Variants in PDE4DIP observed in about 807,000 individuals in gnomAD.
PDE4DIP encodes myomegalin.
PDE4DIP carries 59 observed loss-of-function variants against 221.4 expected under a neutral mutation model. The ratio of observed to expected loss-of-function variants is 0.27; its 90% CI spans 0.22 to 0.33. The LOEUF (loss-of-function observed/expected upper bound fraction) is 0.33, where lower values mean the gene tolerates loss of function less well. PDE4DIP is among the 10% of genes least tolerant of loss of function. PDE4DIP has a pLI of 1.00. For missense variants in PDE4DIP, 1,036 were observed against 2,154.2 expected, an observed-to-expected ratio of 0.48 and a Z score of 10.28; for synonymous variants, 404 against 815.9, an observed-to-expected ratio of 0.50 and a Z score of 8.60.
intron 5 of PDE4DIP, among the ~76,000 whole-genome samples, chr1:148,940,775 C>T (rs587739958): frequency 2.7e-5 from 4 of 148,066 alleles, no homozygotes; most frequent in East Asian, 2.0e-4. Flanking sequence ...TTTGGGTCTA[C>T]GTCTTATGGG....
intron 4 of PDE4DIP, among the ~76,000 whole-genome samples, chr1:148,937,107 C>T (rs1480138863): frequency 6.6e-6 from 1 of 152,172 alleles, no homozygotes; most frequent in Admixed American, 6.5e-5. Flanking sequence ...AGCAACACCA[C>T]AAACAAGTGA....
chr1:149,023,273 T>C (rs1319684001), intron 37 of PDE4DIP, among the ~76,000 whole-genome samples: 1 of 152,258 alleles, frequency 6.6e-6, no homozygotes, highest in Non-Finnish European at 1.5e-5. Context: ...TCTTTATTTA[T>C]CTACTTAGAA....
At chr1:149,023,529 A>ATATATATACATATATATATT (rs1253994311) in intron 37 of PDE4DIP, among the ~76,000 whole-genome samples, 7 of 147,376 alleles carry the variant, frequency 4.7e-5, no homozygotes, top group Non-Finnish European at 1.0e-4. Context: ...ATGGAGGTAA[A>ATATATATACATATATATATT]TATATATACA....
chr1:148,961,538 A>G (rs2056936503), intron 6 of PDE4DIP, among the ~76,000 whole-genome samples: 1 of 152,168 alleles, frequency 6.6e-6, no homozygotes, highest in Non-Finnish European at 1.5e-5. Context: ...AGGGATCCAT[A>G]TTAGAAACCA....
intron 32 of PDE4DIP, among the ~76,000 whole-genome samples, chr1:149,015,651 A>G (rs1553609850): frequency 6.6e-6 from 1 of 151,304 alleles, no homozygotes; most frequent in African/African-American, 2.4e-5. Context: ...AATAGTATTC[A>G]ATGATTCTTT....
intron 21 of PDE4DIP, among the ~76,000 whole-genome samples, chr1:148,990,697 CAGAACA>C (rs1295240094): frequency 7.5e-6 from 1 of 132,636 alleles, no homozygotes; most frequent in Non-Finnish European, 1.6e-5. Flanking sequence ...AGGCTAGGAT[CAGAACA>C]AGATTTCAAG....
chr1:148,967,476 T>C (rs1359233633), intron 12 of PDE4DIP, among the ~76,000 whole-genome samples: 2 of 152,038 alleles, frequency 1.3e-5, no homozygotes, highest in African/African-American at 2.4e-5. Context: ...AAATCCTTTA[T>C]AGCATAGTGC....
At chr1:148,919,492 T>A (rs570520) in intron 1 of PDE4DIP, among the ~76,000 whole-genome samples, 285 of 151,004 alleles carry the variant, frequency 1.9e-3, no homozygotes, top group African/African-American at 6.5e-3. Context: ...GATCCTGCAA[T>A]GACCAGTCCT....
intron 32 of PDE4DIP, among the ~76,000 whole-genome samples, chr1:149,014,792 G>C (rs1384008472): frequency 6.6e-6 from 1 of 150,552 alleles, no homozygotes; most frequent in Non-Finnish European, 1.5e-5. Flanking sequence ...CAGGTCCCTG[G>C]GTTAAAATCT....
intron 1 of PDE4DIP, among the ~76,000 whole-genome samples, chr1:148,819,916 C>CTTTTTTTT (rs10699564): frequency 5.7e-5 from 2 of 34,794 alleles, no homozygotes; most frequent in African/African-American, 2.0e-4. Context: ...CTGTTTATAT[C>CTTTTTTTT]TTTTTTTTTT....
intron 5 of PDE4DIP, chr1:148,941,934 CCTCAT>C (rs1202893334): frequency 4.6e-5 from 7 of 152,232 alleles, no homozygotes; most frequent in African/African-American, 1.7e-4. Context: ...TAAAGAATCT[CCTCAT>C]CTCCAGTGAA....
intron 17 of PDE4DIP, among the ~76,000 whole-genome samples, chr1:148,975,040 G>A (rs1424627571): frequency 2.3e-5 from 3 of 131,244 alleles, no homozygotes; most frequent in Admixed American, 8.0e-5. Flanking sequence ...GTGTAGTGGC[G>A]GGCGCCTGTA....
intron 6 of PDE4DIP, among the ~76,000 whole-genome samples, chr1:148,961,021 A>T (rs587730011): frequency 6.6e-6 from 1 of 152,324 alleles, no homozygotes; most frequent in East Asian, 1.9e-4. Flanking sequence ...TAAAACTTGC[A>T]TGCAGGCCGG....
At chr1:149,032,684 G>C (rs1354078685) in exon 44 of PDE4DIP, 18 of 224,458 alleles carry the variant, frequency 8.0e-5, no homozygotes, top group Non-Finnish European at 1.2e-4. Flanking sequence ...CTTCAAAGTT[G>C]CTGTCCCATT....
At chr1:148,948,026 G>T (rs2151139905) in intron 5 of PDE4DIP, among the ~76,000 whole-genome samples, 1 of 149,942 alleles carries the variant, frequency 6.7e-6, no homozygotes, top group African/African-American at 2.5e-5. Flanking sequence ...AGGTGATTCT[G>T]ATGCATGCTT....
At chr1:148,838,414 A>G (rs61690513) in intron 1 of PDE4DIP, among the ~76,000 whole-genome samples, 1 of 34,238 alleles carries the variant, frequency 2.9e-5, no homozygotes, top group East Asian at 5.9e-4. Flanking sequence ...TTGAGGTCTT[A>G]ATCATGGGTC....
chr1:148,983,768 G>A (rs1428631804), intron 21 of PDE4DIP: 1 of 152,418 alleles, frequency 6.6e-6, no homozygotes, highest in East Asian at 1.9e-4. Context: ...AGCATCGTGT[G>A]CTTATAGAAC....
intron 5 of PDE4DIP, among the ~76,000 whole-genome samples, chr1:148,949,154 T>C (rs1331706931): frequency 1.3e-5 from 2 of 152,200 alleles, no homozygotes; most frequent in East Asian, 1.9e-4. Flanking sequence ...GTAACAATTA[T>C]ATTTTTTTCT....
rs782265020 is a variant in PDE4DIP, at chr1:148,953,083, C to T, written c.637-7571C>T. On this transcript the variant is annotated intron_variant, in intron 5 of 43. Transcript: ENST00000369354. ...TTGCCAGTATGTATCGGAAGAATAA[C>T]GATGACTCTGGCGCGGAGATCAAGG... 5.6e-6 allele frequency: 9 copies of T among 1,613,908 alleles called. No individual in the cohort carries two copies. In the Admixed American group the frequency reaches 8.3e-5, roughly 15 times the overall value.
Sources: gnomAD v4.1 joint callset for allele counts (sites outside exome capture counted in the v4.1 genomes callset) on GRCh38, gnomAD v4.1.1 for gene constraint, MANE v1.5 for transcripts, NCBI Gene and HGNC (gene_info 2026-07-23, HGNC 2026-07-21) for gene names.